The following EXOSC9 variants were observed in gnomAD, a reference collection of about 807,000 sequenced individuals.
EXOSC9 encodes exosome component 9.
EXOSC9 carries 38 observed loss-of-function variants against 56.5 expected under a neutral mutation model. The ratio of observed to expected loss-of-function variants is 0.67; its 90% CI spans 0.52 to 0.88. The LOEUF (loss-of-function observed/expected upper bound fraction) is 0.88. Ranked by LOEUF, EXOSC9 falls within the 40% of genes least tolerant of loss-of-function variation. The probability of loss-of-function intolerance (pLI) is 0.00; values close to 1 mark genes in which losing one functional copy is unlikely to be tolerated. For synonymous variants in EXOSC9, 170 were observed against 170.8 expected (o/e 0.99, Z 0.04); for missense variants, 559 against 530.5 (o/e 1.05, Z -0.53).
In EXOSC9 at chr4:121,816,968, T is replaced by A. The variant is rs1366215124; in HGVS notation, c.*112T>A. 3 of 1,115,578 alleles carry A rather than the reference T, an allele frequency of 2.7e-6. No homozygotes were observed. Among genetic ancestry groups the A allele is most frequent in the African/African-American group, 3.2e-5 (2 of 61,660 alleles). The allele number at this position is 1,115,578 out of a possible 1,614,324, so 69.1% of individuals were successfully genotyped here. A position where few individuals can be genotyped will look rare whatever the true frequency, so the allele number is the denominator to read the frequency against. ...TCCATTATAAAATCTAGCAGGATTT[T>A]AAAAATAGTTTTTTGTTTTTAATGT... is the stretch of plus-strand genomic sequence containing the variant. On this transcript the variant is annotated 3_prime_UTR_variant, in exon 12 of 12. Transcript: ENST00000243498.
intron 6 of EXOSC9, among the ~76,000 whole-genome samples, chr4:121,808,490 G>T (rs1258422797): frequency 6.6e-6 from 1 of 152,016 alleles, no homozygotes; most frequent in Non-Finnish European, 1.5e-5. Flanking sequence ...CTTCCGAGTA[G>T]TTGAGACTAC....
At chr4:121,804,586 A>G in intron 4 of EXOSC9, 36 bp from the exon 5 acceptor site, 1 of 1,392,098 alleles carries the variant, frequency 7.2e-7, no homozygotes, top group Non-Finnish European at 1.0e-6. Context: ...GGTTGTAATC[A>G]GTTAGGATTT....
At chr4:121,809,880 T>C in intron 6 of EXOSC9, 87 bp from the exon 7 acceptor site, 2 of 1,475,620 alleles carry the variant, frequency 1.4e-6, no homozygotes, top group Non-Finnish European at 1.9e-6. Context: ...TTGACTTTAT[T>C]GATGCCATCT....
chr4:121,814,828 C>A (rs1245993533), intron 10 of EXOSC9: 1 of 152,150 alleles, frequency 6.6e-6, no homozygotes, highest in Non-Finnish European at 1.5e-5. Flanking sequence ...AGCCATAGAA[C>A]TGAAGTTGTT....
rs1320264424 is a variant in EXOSC9, at chr4:121,816,968, T to TA, written c.*117dup. On this transcript the variant is annotated 3_prime_UTR_variant, in exon 12 of 12. Coordinates refer to ENST00000243498, the MANE Select transcript of EXOSC9 (RefSeq NM_005033.3). Reference sequence around the variant, plus strand: ...TCCATTATAAAATCTAGCAGGATTTTAAAAATAGTTTTTTGTTTTTAATGT... The same window carrying TA: ...TCCATTATAAAATCTAGCAGGATTTTAAAAAATAGTTTTTTGTTTTTAATGT... 2 of 1,115,578 alleles carry TA rather than the reference T, an allele frequency of 1.8e-6. No individual in the cohort carries two copies. Among genetic ancestry groups the TA allele is most frequent in the Non-Finnish European group, 2.4e-6 (2 of 824,946 alleles). 69.1% of individuals were successfully genotyped at this position (1,115,578 alleles called of 1,614,324 possible). A position where few individuals can be genotyped will look rare whatever the true frequency, so the allele number is the denominator to read the frequency against.
intron 8 of EXOSC9, among the ~76,000 whole-genome samples, chr4:121,812,572 C>T (rs1176387087): frequency 6.6e-6 from 1 of 152,150 alleles, no homozygotes; most frequent in East Asian, 1.9e-4. Flanking sequence ...CTCACTGCAG[C>T]CTCCGCCTCA....
intron 5 of EXOSC9, 115 bp from the exon 6 acceptor site, chr4:121,807,425 T>C: frequency 1.9e-6 from 1 of 528,490 alleles, no homozygotes. Flanking sequence ...AGAAGTTATT[T>C]AGGTACTCAA....
rs1418751240 is a variant in EXOSC9 at position 121,801,882 on chromosome 4, C to G, written c.122C>G (p.Thr41Arg). 6.2e-7 allele frequency: 1 copy of G among 1,613,736 alleles called. No homozygotes were observed. The highest frequency in any genetic ancestry group is 1.3e-5 in the African/African-American group (1 of 74,888). Residue 41 changes from threonine to arginine, a missense_variant, in exon 2 of 12, where the codon ACA becomes AGA. Physicochemically the swap from Thr to Arg is moderately conservative, Grantham distance 71. Transcript: ENST00000243498. ...DYRNIRISFG[T>R]DYGCCIVELG... The stretch of plus-strand genomic sequence containing the variant: ...AGGAACATCAGGATCTCATTTGGAA[C>G]AGATTACGGATGCTGCATTGTGGAA...
At chr4:121,801,581 C>G (rs894313306) in intron 1 of EXOSC9, 91 bp downstream of exon 1, 2 of 1,241,064 alleles carry the variant, frequency 1.6e-6, no homozygotes, top group Admixed American at 1.7e-5. Context: ...GCCCGGGGAG[C>G]TACTAGGGGA....
rs1726852413 is a variant in EXOSC9, at chr4:121,801,359, C to G, written c.-66C>G. On this transcript the variant is annotated 5_prime_UTR_variant, in exon 1 of 12. Coordinates refer to ENST00000243498, the MANE Select transcript of EXOSC9 (RefSeq NM_005033.3). ...GCGCCTCGGGGCGAGCAGCGGCGCG[C>G]AAGGAAAGATCGGGTTCCGTTTTTC... 6.8e-6 allele frequency: 10 copies of G among 1,479,624 alleles called. No individual in the cohort carries two copies. Among genetic ancestry groups the G allele is most frequent in the Admixed American group, 6.7e-5 (4 of 59,732 alleles). The allele number at this position is 1,479,624 out of a possible 1,614,324, so 91.7% of individuals were successfully genotyped here. A position where few individuals can be genotyped will look rare whatever the true frequency, so the allele number is the denominator to read the frequency against.
chr4:121,808,823 G>A (rs1578502036), intron 6 of EXOSC9, among the ~76,000 whole-genome samples: 1 of 151,402 alleles, frequency 6.6e-6, no homozygotes, highest in African/African-American at 2.4e-5. Flanking sequence ...GACCACAGGT[G>A]CACACCATGC....
chr4:121,805,059 G>T (rs1726980099), intron 5 of EXOSC9, among the ~76,000 whole-genome samples: 1 of 152,204 alleles, frequency 6.6e-6, no homozygotes, highest in Admixed American at 6.5e-5. Flanking sequence ...GGGGCCATAT[G>T]TGTGAAAAAT....
chr4:121,816,834 A>G lies in EXOSC9; in HGVS notation c.1298A>G (p.Lys433Arg), dbSNP rs769148655. ...APSKKPVKRR[K>R]KKRAAN The stretch of plus-strand genomic sequence containing the variant: ...AGTAAAAAGCCAGTGAAAAGAAGAA[A>G]AAAGAAGAGAGCTGCCAATTAAAGC... Residue 433 changes from lysine (K) to arginine (R), a missense_variant, in exon 12 of 12, where the codon AAA (lysine) becomes AGA (arginine). Coordinates refer to ENST00000243498, the MANE Select transcript of EXOSC9 (RefSeq NM_005033.3). The G allele has an allele frequency of 6.3e-7, 1 of 1,596,344 alleles. No homozygotes were observed. The highest frequency in any genetic ancestry group is 1.3e-5 in the African/African-American group (1 of 74,096).
At chr4:121,814,722 A>G (rs567112463) in intron 10 of EXOSC9, 114 of 152,358 alleles carry the variant, frequency 7.5e-4, no homozygotes, top group African/African-American at 2.3e-3. Context: ...ACATGTGGCT[A>G]GTGGCTACCA....
intron 1 of EXOSC9, 140 bp downstream of exon 1, chr4:121,801,630 A>AT (rs1170940028): frequency 7.5e-5 from 65 of 869,476 alleles, no homozygotes; most frequent in Non-Finnish European, 1.0e-4. Context: ...GGCTTTATTT[A>AT]TTTTTTTTCG....
intron 8 of EXOSC9, among the ~76,000 whole-genome samples, chr4:121,812,086 C>CT (rs1214467901): frequency 1.3e-5 from 2 of 152,182 alleles, no homozygotes; most frequent in Admixed American, 1.3e-4. Flanking sequence ...TGTGTGGGAG[C>CT]TGGTGATTCT....
intron 10 of EXOSC9, chr4:121,815,199 A>C (rs1337652286): frequency 5.9e-6 from 1 of 170,284 alleles, no homozygotes; most frequent in Non-Finnish European, 1.2e-5. Flanking sequence ...CTCTCTGTGC[A>C]GTGATGTAAG....
chr4:121,801,399 G>A lies in EXOSC9; in HGVS notation c.-26G>A, dbSNP rs773244593. 2.5e-6 allele frequency: 4 copies of A among 1,609,478 alleles called. No individual in the cohort carries two copies. The highest frequency in any genetic ancestry group is 4.5e-5 in the East Asian group (2 of 44,848). On this transcript the variant is annotated 5_prime_UTR_variant, in exon 1 of 12. Coordinates refer to ENST00000243498, the MANE Select transcript of EXOSC9 (RefSeq NM_005033.3). ...TTCCGTTTTTCCCGCGGATTCTGGT[G>A]CCTGTGGGGCCGGTGACCCAACACC... is the stretch of plus-strand genomic sequence containing the variant.
chr4:121,810,380 T>TA (rs11323170), intron 7 of EXOSC9, among the ~76,000 whole-genome samples: 26 of 148,134 alleles, frequency 1.8e-4, no homozygotes, highest in Non-Finnish European at 1.9e-4. Context: ...ATATCCCTAT[T>TA]AAAAAAAAAA....
Sources: gnomAD v4.1 joint callset for allele counts (sites outside exome capture counted in the v4.1 genomes callset) on GRCh38, gnomAD v4.1.1 for gene constraint, MANE v1.5 for transcripts, NCBI Gene and HGNC (gene_info 2026-07-23, HGNC 2026-07-21) for gene names.